Variants in LAMA5 observed in about 807,000 individuals in gnomAD.
LAMA5 encodes laminin subunit alpha 5.
A neutral mutation model predicts 433.4 loss-of-function variants in LAMA5; 260 were observed. The ratio of observed to expected loss-of-function variants is 0.60; its 90% confidence interval spans 0.54 to 0.66. The LOEUF (loss-of-function observed/expected upper bound fraction) is 0.66, where lower values mean the gene tolerates loss of function less well. Among genes scored for constraint, LAMA5 ranks in the 30% least tolerant of loss-of-function variants. The probability of loss-of-function intolerance (pLI) is 0.00; values close to 1 mark genes in which losing one functional copy is unlikely to be tolerated. For synonymous variants in LAMA5, 2,620 were observed against 2,226.6 expected (o/e 1.18, Z -4.97); for missense variants, 5,378 against 5,258.5 (o/e 1.02, Z -0.70).
intron 48 of LAMA5, 39 bp downstream of exon 48, chr20:62,321,980 C>A (rs1987864153): frequency 6.3e-7 from 1 of 1,583,442 alleles, no homozygotes; most frequent in African/African-American, 1.3e-5. Flanking sequence ...TGGATTCCTA[C>A]TCCATCAGGT....
At position 62,313,810 on chromosome 20, in the gene LAMA5, C is replaced by T; in HGVS notation, c.8505-8G>A. ...TGGCCAAACTGGAGAGTCCTGAGGG[C>T]AGAGGCGAGGGGTGGCGAGTGGGCA... On this transcript the variant is annotated splice_region_variant and splice_polypyrimidine_tract_variant and intron_variant, in intron 62 of 79. Coordinates refer to ENST00000252999, the MANE Select transcript of LAMA5 (RefSeq NM_005560.6). The T allele has an allele frequency of 6.2e-7, 1 of 1,609,562 alleles. No individual in the cohort carries two copies.
At chr20:62,340,530 C>T (rs1052507900) in intron 11 of LAMA5, among the ~76,000 whole-genome samples, 1 of 151,340 alleles carries the variant, frequency 6.6e-6, no homozygotes, top group East Asian at 2.0e-4. Flanking sequence ...AGGCTCGTCT[C>T]GAACTCCCGA....
chr20:62,331,002 G>T (rs538135312), intron 29 of LAMA5, 30 bp downstream of exon 29: 1 of 1,577,796 alleles, frequency 6.3e-7, no homozygotes, highest in African/African-American at 1.4e-5. Flanking sequence ...CCTCGGCCGC[G>T]CCCCTCCCAG....
At chr20:62,319,880 C>T (rs767200028) in intron 50 of LAMA5, 85 bp from the exon 51 acceptor site, 15 of 1,051,318 alleles carry the variant, frequency 1.4e-5, no homozygotes, top group African/African-American at 3.1e-5. Flanking sequence ...GGGGGAGCGC[C>T]GAGGGTCCCA....
chr20:62,311,257 G>A lies in LAMA5; in HGVS notation c.9993C>T (p.Pro3331=), dbSNP rs1986237664. The change falls in exon 73 of 80, where the codon CCC becomes CCT. Residue 3331 remains proline (P), a synonymous_variant. Transcript: ENST00000252999. ...AGTCTCGGGTGGTCCTGAGGTGTGG[G>A]GGCAGCATGCAGGCAGGATGCCGGG... ...QPARHPACML[P]PHLRTTRDSY... The A allele has an allele frequency of 1.2e-6, 2 of 1,606,144 alleles. No individual in the cohort carries two copies. Among genetic ancestry groups the A allele is most frequent in the South Asian group, 1.1e-5 (1 of 90,582 alleles).
chr20:62,312,838 C>T, intron 66 of LAMA5, 50 bp downstream of exon 66: 1 of 1,602,000 alleles, frequency 6.2e-7, no homozygotes. Flanking sequence ...GCCCCGCCCC[C>T]ATCGTTCCAT....
In LAMA5 at chr20:62,319,744, T is replaced by C. The variant is rs372690723; in HGVS notation, c.6811A>G (p.Thr2271Ala). Reference protein sequence around the residue: ...ASQLLAGTEATLGHAKTLLAA... With the variant: ...ASQLLAGTEAALGHAKTLLAA... ...AACAGCGTCTTCGCATGGCCCAGTG[T>C]GGCCTCGGTGCCGGCCAGCAATTGG... The change falls in exon 51 of 80, where the codon ACA becomes GCA. Residue 2271 changes from threonine to alanine, a missense_variant. By Grantham distance (58) the Thr-to-Ala change is moderately conservative. Transcript: ENST00000252999. The C allele has an allele frequency of 2.8e-5, 44 of 1,549,300 alleles. No homozygotes were observed. In the East Asian group the frequency reaches 5.6e-4, roughly 20 times the overall value.
Position 62,313,196 on chromosome 20 carries a change from G to T in LAMA5, c.8847C>A (p.Thr2949=), listed in dbSNP as rs751803687. ...TGTCGAAGCTGATGCGGGCGAAGCC[G>T]GTGCCGTCCAGGTAGGAGCCGTCCG... ...WLTDGSYLDG[T]GFARISFDSQ... is the part of the protein sequence containing the mutation. The change falls in exon 65 of 80, where the codon ACC becomes ACA. Residue 2949 remains threonine, a synonymous_variant. Coordinates refer to ENST00000252999, the MANE Select transcript of LAMA5 (RefSeq NM_005560.6). 20 of 1,565,788 alleles carry T rather than the reference G, an allele frequency of 1.3e-5. No individual in the cohort carries two copies. The highest frequency in any genetic ancestry group is 3.8e-5 in the Admixed American group (2 of 53,098).
chr20:62,315,811 G>A, intron 58 of LAMA5, 137 bp downstream of exon 58: 1 of 668,414 alleles, frequency 1.5e-6, no homozygotes, highest in South Asian at 1.9e-5. Context: ...TAGGCTTTCT[G>A]TGTCTGGCCC....
intron 53 of LAMA5, 70 bp from the exon 54 acceptor site, chr20:62,317,848 C>A: frequency 3.9e-6 from 2 of 518,354 alleles, no homozygotes; most frequent in East Asian, 5.8e-5. Context: ...ATGGGGTGGA[C>A]AGCAGGGCAG....
intron 43 of LAMA5, 31 bp from the exon 44 acceptor site, chr20:62,323,887 C>T (rs752710442): frequency 7.6e-6 from 12 of 1,575,352 alleles, no homozygotes; most frequent in South Asian, 3.4e-5. Flanking sequence ...AGTCACTAGG[C>T]CCCTGGCAGT....
chr20:62,336,835 A>T, intron 16 of LAMA5, 49 bp from the exon 17 acceptor site: 4 of 1,593,452 alleles, frequency 2.5e-6, no homozygotes, highest in Non-Finnish European at 3.4e-6. Context: ...ACCAACCCGG[A>T]AGGCCAAGGG....
chr20:62,353,559 G>C (rs995299091), intron 2 of LAMA5, among the ~76,000 whole-genome samples: 1 of 152,192 alleles, frequency 6.6e-6, no homozygotes, highest in East Asian at 1.9e-4. Context: ...GGTCCTGCAA[G>C]CTCTGTGGCT....
intron 34 of LAMA5, 141 bp from the exon 35 acceptor site, chr20:62,328,586 C>T (rs1979747179): frequency 3.3e-6 from 3 of 899,494 alleles, no homozygotes; most frequent in Non-Finnish European, 4.9e-6. Context: ...GGGTGCTGAG[C>T]CTTGGACAGC....
At position 62,352,228 on chromosome 20, in the gene LAMA5, C is replaced by G. The variant is rs754196677; in HGVS notation, c.687+14G>C. On this transcript the variant is annotated intron_variant, in intron 4 of 79. Transcript: ENST00000252999. ...TCTCCAGCCCCCGTACCGCCCTGCC[C>G]CTCCCCGGCCCACCTCTCCGTTCTC... The G allele has an allele frequency of 1.3e-6, 2 of 1,595,544 alleles. No individual in the cohort carries two copies.
rs374468251 is a variant in LAMA5, at chr20:62,322,305, G to A, written c.6310C>T (p.Pro2104Ser). 2 of 1,600,554 alleles carry A rather than the reference G, an allele frequency of 1.2e-6. No homozygotes were observed. Among genetic ancestry groups the A allele is most frequent in the African/African-American group, 1.3e-5 (1 of 74,588 alleles). The change falls in exon 47 of 80, where the codon CCT (proline) becomes TCT (serine). Residue 2104 changes from proline to serine, a missense_variant. Transcript: ENST00000252999. Reference sequence around the variant, plus strand: ...TGCTCAGGGAGCCCCCAGTAGCCAGGGGCACACTCGCGGCACTGGGGTCCC... The same window carrying A: ...TGCTCAGGGAGCCCCCAGTAGCCAGAGGCACACTCGCGGCACTGGGGTCCC... ...TMGPQCRECAPGYWGLPEQGC... is the reference protein window; with the variant it reads ...TMGPQCRECASGYWGLPEQGC...
At position 62,333,657 on chromosome 20, in the gene LAMA5, G is replaced by A; in HGVS notation, c.2928C>T (p.Ala976=). The A allele has an allele frequency of 6.3e-7, 1 of 1,593,902 alleles. No homozygotes were observed. Among genetic ancestry groups the A allele is most frequent in the Non-Finnish European group, 8.5e-7 (1 of 1,171,942 alleles). ...PVAFPPSTEP[A]FITVPQRGFG... is the part of the protein sequence containing the mutation. ...AGCCCCTCTGGGGCACGGTGATGAA[G>A]GCAGGCTCCGTGCTGGGTGGGAAGG... The change falls in exon 24 of 80, where the codon GCC becomes GCT. Residue 976 remains alanine, a synonymous_variant. Coordinates refer to ENST00000252999, the MANE Select transcript of LAMA5 (RefSeq NM_005560.6).
chr20:62,311,825 T>TA lies in LAMA5; in HGVS notation c.9636-42_9636-41insT, dbSNP rs1986308588. 2.9e-5 allele frequency: 9 copies of TA among 313,024 alleles called. No homozygotes were observed. In the East Asian group the frequency reaches 6.0e-4, roughly 21 times the overall value. 19.4% of individuals were successfully genotyped at this position (313,024 alleles called of 1,614,324 possible). ...CCGGAGGCTCGGTTTTTCCCCACCC[T>TA]GCCCACCCCCACCTCAGAGGAGACA... On this transcript the variant is annotated intron_variant, in intron 70 of 79. Coordinates refer to ENST00000252999, the MANE Select transcript of LAMA5 (RefSeq NM_005560.6).
intron 77 of LAMA5, 30 bp downstream of exon 77, chr20:62,310,148 G>C (rs1174085451): frequency 3.7e-6 from 6 of 1,611,666 alleles, no homozygotes; most frequent in Non-Finnish European, 5.1e-6. Flanking sequence ...GGCAAACCCT[G>C]CCCTGGCACG....
Sources: allele counts gnomAD v4.1 joint callset (sites outside exome capture counted in the v4.1 genomes callset), GRCh38; gene constraint gnomAD v4.1.1; transcripts MANE v1.5; gene names NCBI Gene and HGNC (gene_info 2026-07-23, HGNC 2026-07-21).